The following HTRA3 variants were observed in gnomAD, a reference collection of about 807,000 sequenced individuals.
HTRA3 encodes HtrA serine peptidase 3, also known as serine protease HTRA3.
A neutral mutation model predicts 43.2 loss-of-function variants in HTRA3; 41 were observed. The observed-to-expected ratio is 0.95, with a 90% CI of 0.74 to 1.23. The LOEUF (loss-of-function observed/expected upper bound fraction) is 1.23. Ranked by LOEUF, HTRA3 falls within the 50% of genes most tolerant of loss-of-function variation. HTRA3 has a pLI of 0.00. For synonymous variants in HTRA3, 295 were observed against 287.9 expected (o/e 1.02, Z -0.25); for missense variants, 628 against 647.1 (o/e 0.97, Z 0.32).
chr4:8,298,767 G>C (rs1424231735), intron 6 of HTRA3, among the ~76,000 whole-genome samples: 1 of 152,224 alleles, frequency 6.6e-6, no homozygotes, highest in Non-Finnish European at 1.5e-5. Flanking sequence ...TTGAAAGACT[G>C]TTCTCTACTG....
rs1019502568 is a variant in HTRA3, at chr4:8,304,233, A to C, written c.1150A>C (p.Ser384Arg). ...ASNPDFPEVS[S>R]GIYVQEVAPN... ...CAACCCGGACTTCCCAGAGGTCAGC[A>C]GTGGAATTTATGTGCAAGAGGTTGC... The change falls in exon 8 of 9, where the codon AGT becomes CGT. Residue 384 changes from serine (S) to arginine (R), a missense_variant. Transcript: ENST00000307358. The C allele has an allele frequency of 1.9e-6, 3 of 1,614,188 alleles. No individual in the cohort carries two copies. Among genetic ancestry groups the C allele is most frequent in the Non-Finnish European group, 8.5e-7 (1 of 1,180,022 alleles).
chr4:8,276,844 C>T (rs185909361), intron 1 of HTRA3, among the ~76,000 whole-genome samples: 242 of 152,366 alleles, frequency 1.6e-3, no homozygotes, highest in African/African-American at 5.2e-3. Context: ...TCAGGGCTTG[C>T]GGGGCCTGGC....
At chr4:8,276,467 G>T (rs1265530604) in intron 1 of HTRA3, among the ~76,000 whole-genome samples, 1 of 152,266 alleles carries the variant, frequency 6.6e-6, no homozygotes, top group Non-Finnish European at 1.5e-5. Flanking sequence ...CTGGAAGGCG[G>T]TGTCTGTGGA....
intron 1 of HTRA3, among the ~76,000 whole-genome samples, chr4:8,270,576 G>C (rs956275464): frequency 6.6e-6 from 1 of 152,232 alleles, no homozygotes; most frequent in Non-Finnish European, 1.5e-5. Flanking sequence ...AGGGAAACCC[G>C]GTGGTCTCCT....
chr4:8,284,200 C>T (rs963269662), intron 2 of HTRA3, among the ~76,000 whole-genome samples: 2 of 152,190 alleles, frequency 1.3e-5, no homozygotes. Flanking sequence ...CCTCTCACTG[C>T]CCCCTTGGCA....
chr4:8,271,853 C>A (rs1712290848), intron 1 of HTRA3, among the ~76,000 whole-genome samples: 1 of 152,200 alleles, frequency 6.6e-6, no homozygotes, highest in African/African-American at 2.4e-5. Flanking sequence ...ATTGGCAACA[C>A]CTCTGTTTTG....
chr4:8,302,861 C>T (rs955644909), intron 7 of HTRA3, among the ~76,000 whole-genome samples: 1 of 152,226 alleles, frequency 6.6e-6, no homozygotes, highest in Non-Finnish European at 1.5e-5. Context: ...TCTGAGGCTC[C>T]AGGGAAAGCT....
chr4:8,272,635 G>C (rs186491351), intron 1 of HTRA3, among the ~76,000 whole-genome samples: 140 of 152,356 alleles, frequency 9.2e-4, no homozygotes, highest in African/African-American at 3.3e-3. Context: ...ACCCAAATCT[G>C]TCTCACCCAG....
intron 5 of HTRA3, among the ~76,000 whole-genome samples, chr4:8,293,734 C>G (rs1204670047): frequency 6.6e-6 from 1 of 152,146 alleles, no homozygotes; most frequent in African/African-American, 2.4e-5. Flanking sequence ...CCCGACAGGC[C>G]TTACCATGTT....
In HTRA3 at chr4:8,306,128, G is replaced by A. The variant is rs781370482; in HGVS notation, c.1354G>A (p.Val452Ile). The change falls in exon 9 of 9, where the codon GTC (valine) becomes ATC (isoleucine). Residue 452 changes from valine (V) to isoleucine (I), a missense_variant. Val to Ile is a conservative substitution (Grantham distance 29). Transcript: ENST00000307358. The surrounding 1 kb of genome is among the most constrained non-coding windows in gnomAD (Gnocchi z 8.9). ...CCTCTTCAGCATCGCACCTGAGGTGGTCATGTGAGGGGCGCATTCCTCCAG... is the reference window on the plus strand; with the variant it reads ...CCTCTTCAGCATCGCACCTGAGGTGATCATGTGAGGGGCGCATTCCTCCAG... ...DLLFSIAPEV[V>I]M The A allele has an allele frequency of 8.5e-5, 135 of 1,580,236 alleles. 2 individuals are homozygous for A. In the South Asian group the frequency reaches 1.1e-3, roughly 13 times the overall value.
chr4:8,273,035 G>A (rs890059293), intron 1 of HTRA3, among the ~76,000 whole-genome samples: 2 of 152,200 alleles, frequency 1.3e-5, no homozygotes, highest in Non-Finnish European at 2.9e-5. Context: ...CATTTCCCAC[G>A]GCAAGCCTGG....
intron 1 of HTRA3, among the ~76,000 whole-genome samples, chr4:8,281,241 G>C (rs548929027): frequency 1.3e-5 from 2 of 152,332 alleles, no homozygotes; most frequent in South Asian, 2.1e-4. Context: ...GCCTTTGGAC[G>C]ATCCAGAAAA....
intron 6 of HTRA3, among the ~76,000 whole-genome samples, chr4:8,298,083 C>CA (rs1388958588): frequency 6.6e-6 from 1 of 152,234 alleles, no homozygotes; most frequent in Non-Finnish European, 1.5e-5. Context: ...AGCACCGGGG[C>CA]ACTCGCTGCC....
intron 3 of HTRA3, among the ~76,000 whole-genome samples, chr4:8,287,804 C>T (rs1177725188): frequency 6.6e-6 from 1 of 152,192 alleles, no homozygotes; most frequent in Admixed American, 6.5e-5. Context: ...TTAGGTAACT[C>T]GTCCAAGATC....
intron 1 of HTRA3, 42 bp downstream of exon 1, chr4:8,270,395 C>G: frequency 1.5e-6 from 2 of 1,366,672 alleles, no homozygotes; most frequent in South Asian, 1.7e-5. Flanking sequence ...GCTTCTTTCT[C>G]TTGGGGAAAC....
intron 1 of HTRA3, among the ~76,000 whole-genome samples, chr4:8,271,283 T>A (rs1278248429): frequency 6.6e-6 from 1 of 152,138 alleles, no homozygotes; most frequent in Non-Finnish European, 1.5e-5. Context: ...GTAAAAAGGT[T>A]GGGGAACTGA....
At chr4:8,284,349 G>T (rs576614053) in intron 2 of HTRA3, among the ~76,000 whole-genome samples, 2 of 152,262 alleles carry the variant, frequency 1.3e-5, no homozygotes, top group East Asian at 3.9e-4. Context: ...TTTCTGGAAG[G>T]CCCCAGCCAC....
intron 5 of HTRA3, among the ~76,000 whole-genome samples, chr4:8,293,779 C>T (rs377618241): frequency 6.6e-5 from 10 of 152,264 alleles, no homozygotes; most frequent in East Asian, 3.9e-4. Context: ...CATGGCTTGG[C>T]GGTGTCCTTG....
Position 8,295,707 on chromosome 4 carries a change from C to A in HTRA3, c.1051+1506C>A. 2 of 1,419,450 alleles carry A rather than the reference C, an allele frequency of 1.4e-6. No individual in the cohort carries two copies. The highest frequency in any genetic ancestry group is 1.8e-6 in the Non-Finnish European group (2 of 1,084,720). 87.9% of individuals were successfully genotyped at this position (1,419,450 alleles called of 1,614,324 possible). ...TGTCTCCTCCCAGCCCCCTCACTGG[C>A]AGTTCATTGAGAGCAGGGGGCTTCC... On this transcript the variant is annotated intron_variant, in intron 6 of 8. Transcript: ENST00000307358. The surrounding 1 kb of genome is among the most constrained non-coding windows in gnomAD (Gnocchi z 6.9).
Sources: gnomAD v4.1 joint callset for allele counts (sites outside exome capture counted in the v4.1 genomes callset) on GRCh38, gnomAD v4.1.1 for gene constraint, Gnocchi (gnomAD v3.1) non-coding constraint, MANE v1.5 for transcripts, NCBI Gene and HGNC (gene_info 2026-07-23, HGNC 2026-07-21) for gene names.